CCSER1: variants seen among roughly 807,000 people sequenced by gnomAD.
The protein encoded by CCSER1 is serine-rich coiled-coil domain-containing protein 1.
In CCSER1, 41 loss-of-function variants were observed where a neutral mutation model predicts 82.0. The observed-to-expected ratio is 0.50, with a 90% CI of 0.39 to 0.65. The LOEUF (loss-of-function observed/expected upper bound fraction) is 0.65. CCSER1 is among the 30% of genes least tolerant of loss of function. The pLI is 0.00. For missense variants in CCSER1, 1,119 were observed against 1,064.2 expected, an observed-to-expected ratio of 1.05 and a Z score of -0.72; for synonymous variants, 414 against 383.9, an observed-to-expected ratio of 1.08 and a Z score of -0.92.
rs191251740 is a variant in CCSER1 at position 91,081,311 on chromosome 4, A to G, written c.2173-4639A>G. Among the ~76,000 whole-genome samples, 306 of 152,310 alleles carry G rather than the reference A, an allele frequency of 2.0e-3. 1 individual carries two copies. The highest frequency in any genetic ancestry group is 5.8e-3 in the Admixed American group (89 of 15,306). On this transcript the variant is annotated intron_variant, in intron 9 of 10. Transcript: ENST00000509176. ...AAACAGAACCAAAGACAAAAACCACATGATTATCTCAATAGATGCAGAAAA... is the reference window on the plus strand; with the variant it reads ...AAACAGAACCAAAGACAAAAACCACGTGATTATCTCAATAGATGCAGAAAA...
chr4:90,349,747 A>T (rs897088365), intron 3 of CCSER1, among the ~76,000 whole-genome samples: 1 of 152,112 alleles, frequency 6.6e-6, no homozygotes, highest in African/African-American at 2.4e-5. Context: ...AATTAGAGTT[A>T]CAACAGTAAC....
At chr4:90,980,525 C>A (rs1581252942) in intron 9 of CCSER1, among the ~76,000 whole-genome samples, 1 of 151,818 alleles carries the variant, frequency 6.6e-6, no homozygotes, top group East Asian at 2.0e-4. Context: ...TCTTGATGAA[C>A]AATAAACTCT....
At chr4:90,915,364 G>A (rs1016120505) in intron 8 of CCSER1, among the ~76,000 whole-genome samples, 8 of 152,062 alleles carry the variant, frequency 5.3e-5, no homozygotes, top group East Asian at 3.9e-4. Context: ...TTCAGCATAC[G>A]CAAACCAATA....
At chr4:91,563,209 G>A (rs149177570) in intron 10 of CCSER1, among the ~76,000 whole-genome samples, 172 of 151,594 alleles carry the variant, frequency 1.1e-3, no homozygotes, top group African/African-American at 3.9e-3. Context: ...AAGTCAGGCC[G>A]GGACACCACA....
At chr4:90,325,137 T>G (rs1262789629) in intron 3 of CCSER1, among the ~76,000 whole-genome samples, 3 of 152,194 alleles carry the variant, frequency 2.0e-5, no homozygotes, top group Non-Finnish European at 2.9e-5. Flanking sequence ...TGTGCTTTCT[T>G]GCCTGAATAT....
At chr4:91,200,491 G>A (rs1735819600) in intron 10 of CCSER1, among the ~76,000 whole-genome samples, 1 of 152,082 alleles carries the variant, frequency 6.6e-6, no homozygotes, top group African/African-American at 2.4e-5. Context: ...CCACATCTTA[G>A]AAGTCTTCAG....
chr4:90,500,744 ATAAAT>A (rs1769740500), intron 5 of CCSER1, among the ~76,000 whole-genome samples: 1 of 152,148 alleles, frequency 6.6e-6, no homozygotes, highest in Non-Finnish European at 1.5e-5. Flanking sequence ...AAACAAACAA[ATAAAT>A]TAATATTTTT....
chr4:91,250,404 ATAAAAT>A (rs1740163119), intron 10 of CCSER1, among the ~76,000 whole-genome samples: 1 of 152,152 alleles, frequency 6.6e-6, no homozygotes, highest in Non-Finnish European at 1.5e-5. Flanking sequence ...AGAACATTAA[ATAAAAT>A]TAAAATGTAG....
intron 8 of CCSER1, among the ~76,000 whole-genome samples, chr4:90,847,116 C>T (rs1240424868): frequency 6.6e-6 from 1 of 152,200 alleles, no homozygotes; most frequent in Non-Finnish European, 1.5e-5. Flanking sequence ...AGGCTTTATT[C>T]ATTCATTCGT....
chr4:90,358,108 AATG>A (rs1481624798), intron 3 of CCSER1, among the ~76,000 whole-genome samples: 6 of 152,090 alleles, frequency 3.9e-5, no homozygotes, highest in Non-Finnish European at 5.9e-5. Context: ...CTATAAGGAA[AATG>A]ATATTATAAA....
intron 1 of CCSER1, among the ~76,000 whole-genome samples, chr4:90,202,074 T>C (rs1260352369): frequency 3.3e-5 from 5 of 152,170 alleles, no homozygotes; most frequent in Admixed American, 1.3e-4. Context: ...ATAATAGTAA[T>C]CTTTCAAGAT....
rs542471583 is a variant in CCSER1, at chr4:90,350,471, G to A, written c.1509+37424G>A. Among the ~76,000 whole-genome samples, 12 of 152,144 alleles carry A rather than the reference G, an allele frequency of 7.9e-5. No individual in the cohort carries two copies. In the South Asian group the frequency reaches 2.5e-3, roughly 32 times the overall value. ...TGAAGAAATAAAAATTGGAAAGGAA[G>A]AGGTAAGATTGTTATTATTTGCTAA... On this transcript the variant is annotated intron_variant, in intron 3 of 10. Coordinates refer to ENST00000509176, the MANE Select transcript of CCSER1 (RefSeq NM_001145065.2).
intron 10 of CCSER1, among the ~76,000 whole-genome samples, chr4:91,102,293 AT>A (rs75684572): frequency 0.33 from 50,276 of 152,056 alleles, 8,850 homozygotes; most frequent in East Asian, 0.45. Context: ...AGATGTTAAA[AT>A]CCAGGCTGGG....
At chr4:90,312,360 G>T (rs1735440256) in intron 2 of CCSER1, among the ~76,000 whole-genome samples, 1 of 152,184 alleles carries the variant, frequency 6.6e-6, no homozygotes, top group South Asian at 2.1e-4. Flanking sequence ...ATATTATGAA[G>T]AATTTGTTAT....
rs148235293 is a variant in CCSER1, at chr4:91,020,233, T to A, written c.2173-65717T>A. 3.0e-4 allele frequency among the ~76,000 whole-genome samples: 46 copies of A among 152,326 alleles called. 2 individuals are homozygous for A. The East Asian group carries it at 8.7e-3, about 29-fold the overall frequency. The stretch of plus-strand genomic sequence containing the variant: ...TAAAACTGAAGTGATATAACCTCAA[T>A]GTCATAGATGTTGCTACAGACCCAC... On this transcript the variant is annotated intron_variant, in intron 9 of 10. Coordinates refer to ENST00000509176, the MANE Select transcript of CCSER1 (RefSeq NM_001145065.2).
intron 10 of CCSER1, among the ~76,000 whole-genome samples, chr4:91,456,876 C>T (rs1413990203): frequency 6.6e-6 from 1 of 152,026 alleles, no homozygotes; most frequent in Non-Finnish European, 1.5e-5. Context: ...TTTTCCATTG[C>T]TGTCCATTTA....
chr4:91,286,324 A>T (rs1444485432), intron 10 of CCSER1, among the ~76,000 whole-genome samples: 1 of 151,888 alleles, frequency 6.6e-6, no homozygotes, highest in African/African-American at 2.4e-5. Context: ...AATTGGAAAT[A>T]GTATAGGTTT....
At chr4:90,806,062 A>G (rs1757460462) in intron 7 of CCSER1, among the ~76,000 whole-genome samples, 2 of 152,190 alleles carry the variant, frequency 1.3e-5, no homozygotes, top group South Asian at 4.1e-4. Flanking sequence ...AAGCAATTGC[A>G]GTTTTTGTTA....
rs561666638 is a variant in CCSER1, at chr4:90,162,751, A to G, written c.-42+34920A>G. Among the ~76,000 whole-genome samples the G allele has an allele frequency of 5.9e-5, 9 of 152,196 alleles. No individual in the cohort carries two copies. The South Asian group carries it at 1.7e-3, about 28-fold the overall frequency. On this transcript the variant is annotated intron_variant, in intron 1 of 10. Coordinates refer to ENST00000509176, the MANE Select transcript of CCSER1 (RefSeq NM_001145065.2). ...TGGTACCTTTTGACCTGTGACCAAA[A>G]AAAATTCATTTTTTTCTTCTATGGT... is the stretch of plus-strand genomic sequence containing the variant.
Sources: gnomAD v4.1 joint callset for allele counts (sites outside exome capture counted in the v4.1 genomes callset) on GRCh38, gnomAD v4.1.1 for gene constraint, MANE v1.5 for transcripts, NCBI Gene and HGNC (gene_info 2026-07-23, HGNC 2026-07-21) for gene names.